The following CRIM1 variants were observed in gnomAD, a reference collection of about 807,000 sequenced individuals.
CRIM1 encodes cysteine-rich motor neuron 1 protein.
Under a neutral mutation model 116.4 loss-of-function variants are expected in CRIM1, and 32 were observed. The ratio of observed to expected loss-of-function variants is 0.27; its 90% CI spans 0.21 to 0.37. The LOEUF is 0.37. Among genes scored for constraint, CRIM1 ranks in the 10% least tolerant of loss-of-function variants. The pLI is 1.00. For synonymous variants in CRIM1, 590 were observed against 509.2 expected (o/e 1.16, Z -2.13); for missense variants, 1,331 against 1,354.8 (o/e 0.98, Z 0.28).
At chr2:36,490,925 C>CA (rs1019436875) in intron 7 of CRIM1, among the ~76,000 whole-genome samples, 48 of 152,306 alleles carry the variant, frequency 3.2e-4, no homozygotes, top group African/African-American at 1.2e-3. Context: ...AGCACGTGTG[C>CA]ATTCTGCTAT....
chr2:36,391,008 T>C (rs1416518532), intron 1 of CRIM1, among the ~76,000 whole-genome samples: 1 of 151,728 alleles, frequency 6.6e-6, no homozygotes, highest in Non-Finnish European at 1.5e-5. Flanking sequence ...CAGGGTTTCG[T>C]CATGTTGCCC....
intron 13 of CRIM1, among the ~76,000 whole-genome samples, chr2:36,534,470 G>A (rs1229477663): frequency 7.2e-6 from 1 of 139,276 alleles, no homozygotes; most frequent in Non-Finnish European, 1.5e-5. Flanking sequence ...GGGACAGGAA[G>A]GAAAATATAG....
intron 7 of CRIM1, among the ~76,000 whole-genome samples, chr2:36,491,307 T>C (rs1397575722): frequency 6.6e-6 from 1 of 152,162 alleles, no homozygotes; most frequent in African/African-American, 2.4e-5. Flanking sequence ...CTGAGTAATC[T>C]CATTTTGGAC....
intron 6 of CRIM1, 111 bp downstream of exon 6, chr2:36,477,182 C>T: frequency 1.2e-5 from 10 of 821,642 alleles, no homozygotes; most frequent in South Asian, 4.0e-5. Flanking sequence ...ATTGAAGTTC[C>T]TTTTTTAGCC....
intron 1 of CRIM1, among the ~76,000 whole-genome samples, chr2:36,381,826 C>A (rs2148337335): frequency 6.6e-6 from 1 of 152,342 alleles, no homozygotes; most frequent in East Asian, 1.9e-4. Flanking sequence ...TAGAGTAAAG[C>A]ACACCCCATT....
intron 14 of CRIM1, among the ~76,000 whole-genome samples, chr2:36,543,178 C>T (rs1667068733): frequency 6.6e-6 from 1 of 152,148 alleles, no homozygotes; most frequent in South Asian, 2.1e-4. Flanking sequence ...GCATTTGAAT[C>T]CCAGCTCTAC....
chr2:36,429,638 G>A (rs899532341), intron 2 of CRIM1, among the ~76,000 whole-genome samples: 2 of 152,208 alleles, frequency 1.3e-5, no homozygotes, highest in African/African-American at 4.8e-5. Flanking sequence ...GAAGATGGTG[G>A]AGCTTACAAG....
intron 11 of CRIM1, 96 bp from the exon 12 acceptor site, chr2:36,517,231 C>A: frequency 2.2e-6 from 2 of 890,682 alleles, no homozygotes; most frequent in Non-Finnish European, 3.7e-6. Context: ...CTTCACAGTT[C>A]ATCTCTTCTA....
At chr2:36,413,969 A>G (rs963571401) in intron 2 of CRIM1, among the ~76,000 whole-genome samples, 2 of 152,238 alleles carry the variant, frequency 1.3e-5, no homozygotes, top group African/African-American at 4.8e-5. Flanking sequence ...AATATACATC[A>G]TAACAGTATG....
At chr2:36,537,680 C>G (rs1005722513) in intron 14 of CRIM1, 134 bp downstream of exon 14, 19 of 981,288 alleles carry the variant, frequency 1.9e-5, no homozygotes, top group Non-Finnish European at 2.8e-5. Flanking sequence ...GTTAGCGCCT[C>G]CACCCAAAGA....
intron 10 of CRIM1, chr2:36,513,162 ACT>A (rs1301246841): frequency 1.8e-5 from 4 of 216,604 alleles, no homozygotes; most frequent in African/African-American, 7.0e-5. Flanking sequence ...GCTGAACAAA[ACT>A]CTGTTATTTG....
intron 2 of CRIM1, among the ~76,000 whole-genome samples, chr2:36,425,772 T>C (rs1674400796): frequency 6.6e-6 from 1 of 152,206 alleles, no homozygotes. Flanking sequence ...TGTGAGGTTA[T>C]TGCTAAATAC....
intron 2 of CRIM1, among the ~76,000 whole-genome samples, chr2:36,423,259 C>T (rs925796252): frequency 3.9e-5 from 6 of 152,214 alleles, no homozygotes; most frequent in Admixed American, 6.5e-5. Context: ...AAGCTAGAGT[C>T]AGCTTGGACT....
intron 7 of CRIM1, among the ~76,000 whole-genome samples, chr2:36,498,591 C>G (rs1680765556): frequency 2.0e-5 from 3 of 152,192 alleles, no homozygotes; most frequent in African/African-American, 7.2e-5. Context: ...CCCAGCATGG[C>G]TGCTCACTCT....
chr2:36,379,821 G>A (rs1237529092), intron 1 of CRIM1, among the ~76,000 whole-genome samples: 1 of 143,562 alleles, frequency 7.0e-6, no homozygotes, highest in African/African-American at 2.6e-5. Flanking sequence ...GTTTTTGTAG[G>A]ATCATATTAA....
intron 4 of CRIM1, among the ~76,000 whole-genome samples, chr2:36,444,592 T>G (rs1165909044): frequency 6.6e-6 from 1 of 152,228 alleles, no homozygotes; most frequent in African/African-American, 2.4e-5. Flanking sequence ...AGAGTTAAAT[T>G]TGCCTCTAAT....
At chr2:36,374,962 A>T (rs1056137701) in intron 1 of CRIM1, among the ~76,000 whole-genome samples, 24 of 151,896 alleles carry the variant, frequency 1.6e-4, no homozygotes, top group African/African-American at 5.3e-4. Flanking sequence ...TTGTGCAAAT[A>T]GCCAGCTCTC....
chr2:36,443,937 A>G (rs113669972), intron 4 of CRIM1, among the ~76,000 whole-genome samples: 14 of 152,360 alleles, frequency 9.2e-5, no homozygotes, highest in African/African-American at 2.6e-4. Context: ...TGGTGCAGCC[A>G]CCTTCCTATG....
intron 16 of CRIM1, 113 bp from the exon 17 acceptor site, chr2:36,548,412 C>A: frequency 1.4e-6 from 1 of 703,184 alleles, no homozygotes; most frequent in Non-Finnish European, 2.3e-6. Context: ...GGCTATCAAT[C>A]AATGAATTGT....
Sources: gnomAD v4.1 joint callset for allele counts (sites outside exome capture counted in the v4.1 genomes callset) on GRCh38, gnomAD v4.1.1 for gene constraint, MANE v1.5 for transcripts, NCBI Gene and HGNC (gene_info 2026-07-23, HGNC 2026-07-21) for gene names.